The following GPC6 variants were observed in gnomAD, a reference collection of about 807,000 sequenced individuals.
The protein encoded by GPC6 is glypican-6.
Under a neutral mutation model 55.2 loss-of-function variants are expected in GPC6, and 14 were observed. The observed-to-expected ratio is 0.25, with a 90% CI of 0.17 to 0.40. GPC6 has a LOEUF of 0.40. GPC6 is among the 10% of genes least tolerant of loss of function. The probability of loss-of-function intolerance (pLI) is 1.00; values close to 1 mark genes in which losing one functional copy is unlikely to be tolerated. For synonymous variants in GPC6, 278 were observed against 259.6 expected, an observed-to-expected ratio of 1.07 and a Z score of -0.68; for missense variants, 641 against 708.5, an observed-to-expected ratio of 0.90 and a Z score of 1.08.
intron 4 of GPC6, among the ~76,000 whole-genome samples, chr13:94,101,994 C>T (rs1184190678): frequency 1.3e-5 from 2 of 151,912 alleles, no homozygotes; most frequent in East Asian, 1.9e-4. Flanking sequence ...ATGGTTTTTG[C>T]AAAATGCATT....
At chr13:93,827,987 G>A (rs59816220) in intron 2 of GPC6, among the ~76,000 whole-genome samples, 6,579 of 151,846 alleles carry the variant, frequency 0.043, 203 homozygotes, top group African/African-American at 0.082. Context: ...ACTTTGGAAA[G>A]CAATGAGTAT....
chr13:93,400,038 A>G (rs1876011230), intron 1 of GPC6, among the ~76,000 whole-genome samples: 1 of 152,164 alleles, frequency 6.6e-6, no homozygotes. Flanking sequence ...CCATGAAAGC[A>G]TATTCTGATT....
intron 2 of GPC6, among the ~76,000 whole-genome samples, chr13:93,694,210 T>C (rs1566490518): frequency 6.6e-6 from 1 of 152,178 alleles, no homozygotes; most frequent in Non-Finnish European, 1.5e-5. Context: ...GGATTCTTTT[T>C]ACTTACGGCA....
intron 1 of GPC6, among the ~76,000 whole-genome samples, chr13:93,470,382 A>G (rs1291374108): frequency 2.0e-5 from 3 of 152,140 alleles, no homozygotes; most frequent in African/African-American, 7.2e-5. Context: ...TAAAATCATA[A>G]GGGATTTCTT....
chr13:93,437,778 T>C (rs2092295018), intron 1 of GPC6, among the ~76,000 whole-genome samples: 1 of 152,148 alleles, frequency 6.6e-6, no homozygotes, highest in Non-Finnish European at 1.5e-5. Flanking sequence ...AGATAACTGA[T>C]GAAGATAGCT....
intron 1 of GPC6, among the ~76,000 whole-genome samples, chr13:93,544,718 A>T (rs1874680088): frequency 1.3e-5 from 2 of 152,194 alleles, no homozygotes; most frequent in South Asian, 4.1e-4. Context: ...TTTCTGGAGA[A>T]TGTTTTCTGT....
intron 4 of GPC6, among the ~76,000 whole-genome samples, chr13:94,030,973 G>C (rs763096697): frequency 2.0e-4 from 30 of 152,146 alleles, no homozygotes; most frequent in Non-Finnish European, 3.7e-4. Flanking sequence ...AAACTTCTGT[G>C]GTATTCCAAC....
chr13:94,082,509 C>G (rs1023843054), intron 4 of GPC6, among the ~76,000 whole-genome samples: 3 of 152,188 alleles, frequency 2.0e-5, no homozygotes, highest in African/African-American at 7.2e-5. Context: ...CTCTAGAGAT[C>G]TTATCCTCTC....
At chr13:93,722,054 T>C (rs1234572688) in intron 2 of GPC6, among the ~76,000 whole-genome samples, 2 of 151,828 alleles carry the variant, frequency 1.3e-5, no homozygotes, top group Admixed American at 6.6e-5. Flanking sequence ...AGATAAATGA[T>C]TTTAAATAGC....
chr13:94,028,138 A>G (rs1055110523), intron 4 of GPC6, among the ~76,000 whole-genome samples: 1 of 152,050 alleles, frequency 6.6e-6, no homozygotes, highest in African/African-American at 2.4e-5. Flanking sequence ...GGTAGCACAC[A>G]TCTATGGTCC....
At chr13:94,170,762 G>A (rs1433203041) in intron 4 of GPC6, among the ~76,000 whole-genome samples, 2 of 152,178 alleles carry the variant, frequency 1.3e-5, no homozygotes, top group East Asian at 3.9e-4. Context: ...TCAGTAAATT[G>A]AATTTGCTTA....
intron 1 of GPC6, among the ~76,000 whole-genome samples, chr13:93,396,136 C>T (rs1423191083): frequency 6.6e-6 from 1 of 152,078 alleles, no homozygotes; most frequent in African/African-American, 2.4e-5. Context: ...TAAAGGTCAT[C>T]TGAAATTGTT....
rs113325808 is a variant in GPC6, at chr13:94,153,231, T to C, written c.877+125337T>C. 5.5e-3 allele frequency among the ~76,000 whole-genome samples: 830 copies of C among 152,250 alleles called. 6 individuals are homozygous for C. Among genetic ancestry groups the C allele is most frequent in the African/African-American group, 0.019 (790 of 41,564 alleles). ...ATTAATACCCTCACATAGCTCTTCA[T>C]GCGAGTCAGATTCCATTCACCAGTT... On this transcript the variant is annotated intron_variant, in intron 4 of 8. Transcript: ENST00000377047.
intron 4 of GPC6, among the ~76,000 whole-genome samples, chr13:94,067,878 G>A (rs2138778404): frequency 6.6e-6 from 1 of 152,274 alleles, no homozygotes; most frequent in Non-Finnish European, 1.5e-5. Context: ...GGATACTAAT[G>A]AATATGCTTA....
chr13:94,188,331 A>G (rs1427183206), intron 4 of GPC6, among the ~76,000 whole-genome samples: 1 of 152,166 alleles, frequency 6.6e-6, no homozygotes, highest in Non-Finnish European at 1.5e-5. Flanking sequence ...GAGTTAAGGC[A>G]GCACAAGGTC....
intron 2 of GPC6, among the ~76,000 whole-genome samples, chr13:93,631,822 T>C (rs1277402189): frequency 6.6e-6 from 1 of 152,218 alleles, no homozygotes; most frequent in Non-Finnish European, 1.5e-5. Context: ...TGATTTTATG[T>C]ACTCATATAT....
chr13:93,409,282 T>C (rs1371321264), intron 1 of GPC6, among the ~76,000 whole-genome samples: 1 of 152,046 alleles, frequency 6.6e-6, no homozygotes, highest in Non-Finnish European at 1.5e-5. Context: ...GACAAAAGTA[T>C]ATAACATTCT....
At chr13:94,249,722 T>G (rs1171322096) in intron 4 of GPC6, among the ~76,000 whole-genome samples, 2 of 152,106 alleles carry the variant, frequency 1.3e-5, no homozygotes, top group Non-Finnish European at 2.9e-5. Flanking sequence ...CTGGAGTGAA[T>G]GAACAGACTA....
chr13:93,556,554 T>C lies in GPC6; in HGVS notation c.319+11133T>C, dbSNP rs182385318. On this transcript the variant is annotated intron_variant, in intron 2 of 8. Coordinates refer to ENST00000377047, the MANE Select transcript of GPC6 (RefSeq NM_005708.5). The stretch of plus-strand genomic sequence containing the variant: ...TGAGTTACAGGCAGTCCAGTTACAC[T>C]GTAAGTTATTTTAAAATATACAGTT... Among the ~76,000 whole-genome samples, 67 of 151,734 alleles carry C rather than the reference T, an allele frequency of 4.4e-4. No individual in the cohort carries two copies. In the East Asian group the frequency reaches 0.01, roughly 23 times the overall value.
Sources: allele counts gnomAD v4.1 joint callset (sites outside exome capture counted in the v4.1 genomes callset), GRCh38; gene constraint gnomAD v4.1.1; transcripts MANE v1.5; gene names NCBI Gene and HGNC (gene_info 2026-07-23, HGNC 2026-07-21).